VPS13D: variants seen among roughly 807,000 people sequenced by gnomAD.
VPS13D encodes the protein intermembrane lipid transfer protein VPS13D.
Under a neutral mutation model 461.9 loss-of-function variants are expected in VPS13D, and 187 were observed. The observed-to-expected ratio is 0.40, with a 90% CI of 0.36 to 0.46. VPS13D has a LOEUF of 0.46. Among genes scored for constraint, VPS13D ranks in the 20% least tolerant of loss-of-function variants. VPS13D has a pLI of 0.60. For missense variants in VPS13D, 4,711 were observed against 5,364.9 expected, an observed-to-expected ratio of 0.88 and a Z score of 3.81; for synonymous variants, 1,951 against 1,986.3, an observed-to-expected ratio of 0.98 and a Z score of 0.47.
At chr1:12,506,483 A>T (rs1190316324) in intron 68 of VPS13D, among the ~76,000 whole-genome samples, 1 of 152,066 alleles carries the variant, frequency 6.6e-6, no homozygotes, top group African/African-American at 2.4e-5. Context: ...AACCTGTTTA[A>T]TTCTGCTTTT....
intron 27 of VPS13D, among the ~76,000 whole-genome samples, chr1:12,309,659 G>C (rs1569868756): frequency 1.3e-5 from 2 of 151,656 alleles, no homozygotes; most frequent in Admixed American, 1.3e-4. Context: ...CTACCGGGAA[G>C]GCTGAGGCAG....
At chr1:12,246,729 A>G (rs982641628) in intron 5 of VPS13D, among the ~76,000 whole-genome samples, 1 of 152,200 alleles carries the variant, frequency 6.6e-6, no homozygotes, top group Admixed American at 6.5e-5. Flanking sequence ...CCAGGCAAGA[A>G]CTCAGTAGAG....
Position 12,385,265 on chromosome 1 carries a change from A to C in VPS13D, c.11376A>C (p.Thr3792=). 6.2e-7 allele frequency: 1 copy of C among 1,613,446 alleles called. No homozygotes were observed. The highest frequency in any genetic ancestry group is 1.1e-5 in the South Asian group (1 of 90,926). Residue 3792 remains threonine, a synonymous_variant, in exon 59 of 70, where the codon ACA becomes ACC. Transcript: ENST00000620676. ...PDGPTRALQI[T]DFCHRKSSRS... ...GGTGTTTTATTTGACTTCAGATAAC[A>C]GATTTCTGCCACCGGAAAAGCAGCC...
chr1:12,297,753 G>GAAA (rs1642315175), intron 24 of VPS13D, among the ~76,000 whole-genome samples: 1 of 152,142 alleles, frequency 6.6e-6, no homozygotes, highest in Non-Finnish European at 1.5e-5. Flanking sequence ...GAACAGAGTG[G>GAAA]AAAACAAGAA....
chr1:12,407,455 G>T (rs1434406744), intron 63 of VPS13D: 1 of 152,214 alleles, frequency 6.6e-6, no homozygotes, highest in Admixed American at 6.5e-5. Context: ...ACACAAGATT[G>T]CCTTCTCCAA....
In VPS13D at chr1:12,385,370, G is replaced by A. The variant is rs1471064793; in HGVS notation, c.11481G>A (p.Leu3827=). 10 of 1,609,098 alleles carry A rather than the reference G, an allele frequency of 6.2e-6. No homozygotes were observed. In the Admixed American group the frequency reaches 1.5e-4, roughly 24 times the overall value. ...KLKNPDTEQE[L]EVLVRLEGGI... is the part of the protein sequence containing the mutation. ...AGAATCCAGATACAGAGCAGGAATT[G>A]GAAGTAAGGTCTAAATATTGTGAAT... The change falls in exon 59 of 70, where the codon TTG becomes TTA. Residue 3827 remains leucine (L), a synonymous_variant. Coordinates refer to ENST00000620676, the MANE Select transcript of VPS13D (RefSeq NM_015378.4).
At chr1:12,304,949 T>C (rs1008573476) in intron 26 of VPS13D, among the ~76,000 whole-genome samples, 1 of 152,200 alleles carries the variant, frequency 6.6e-6, no homozygotes, top group African/African-American at 2.4e-5. Context: ...TAGCACGATA[T>C]AGTGTAATTA....
intron 63 of VPS13D, among the ~76,000 whole-genome samples, chr1:12,410,442 C>T (rs1023467472): frequency 1.3e-5 from 2 of 152,140 alleles, no homozygotes; most frequent in Non-Finnish European, 2.9e-5. Context: ...AACTGCCTAC[C>T]AGAAGCTAAA....
At chr1:12,399,300 G>A (rs1400053298) in intron 60 of VPS13D, among the ~76,000 whole-genome samples, 5 of 151,072 alleles carry the variant, frequency 3.3e-5, no homozygotes. Flanking sequence ...GGGTTCAAGT[G>A]ATTCTCCTGC....
At chr1:12,367,915 G>C (rs1246474556) in intron 52 of VPS13D, among the ~76,000 whole-genome samples, 2 of 151,998 alleles carry the variant, frequency 1.3e-5, no homozygotes, top group Admixed American at 6.6e-5. Flanking sequence ...CTGCAATGCA[G>C]ATTTTTAAAA....
chr1:12,349,933 T>C (rs558508637), intron 46 of VPS13D, among the ~76,000 whole-genome samples: 5 of 152,254 alleles, frequency 3.3e-5, no homozygotes, highest in Non-Finnish European at 7.3e-5. Context: ...TTTCAACTTA[T>C]TTAATGAGGA....
At position 12,345,473 on chromosome 1, in the gene VPS13D, A is replaced by T; in HGVS notation, c.8985A>T (p.Arg2995=). 1 of 1,613,714 alleles carries T rather than the reference A, an allele frequency of 6.2e-7. No homozygotes were observed. The highest frequency in any genetic ancestry group is 8.5e-7 in the Non-Finnish European group (1 of 1,179,696). The part of the protein sequence containing the change: ...VSVDKVGTFF[R]YAAPDKNSSS... The stretch of plus-strand genomic sequence containing the variant: ...TGGACAAAGTCGGGACCTTTTTTCG[A>T]TATGCAGCACCAGATAAAAATTCAT... The change falls in exon 43 of 70, where the codon CGA becomes CGT. Residue 2995 remains arginine, a synonymous_variant. Coordinates refer to ENST00000620676, the MANE Select transcript of VPS13D (RefSeq NM_015378.4).
intron 60 of VPS13D, among the ~76,000 whole-genome samples, chr1:12,391,775 C>T (rs758116854): frequency 5.3e-5 from 8 of 152,096 alleles, no homozygotes; most frequent in Admixed American, 1.3e-4. Context: ...AACAAAACAT[C>T]TTATTTTATT....
Position 12,290,993 on chromosome 1 carries a change from C to T in VPS13D, c.5726-5C>T, listed in dbSNP as rs760044378. 1.9e-6 allele frequency: 3 copies of T among 1,604,966 alleles called. No individual in the cohort carries two copies. In the South Asian group the frequency reaches 3.4e-5, roughly 18 times the overall value. ...AGTAATGTGTTCTAACTTTATCATCCCTAGAGGGAGACCTGGCCTTACAGG... is the reference window on the plus strand; with the variant it reads ...AGTAATGTGTTCTAACTTTATCATCTCTAGAGGGAGACCTGGCCTTACAGG... On this transcript the variant is annotated splice_polypyrimidine_tract_variant and splice_region_variant and intron_variant, in intron 22 of 69. Transcript: ENST00000620676.
intron 68 of VPS13D, among the ~76,000 whole-genome samples, chr1:12,504,064 G>A (rs1240389525): frequency 6.6e-6 from 1 of 152,136 alleles, no homozygotes; most frequent in Non-Finnish European, 1.5e-5. Context: ...AGAGTGACAA[G>A]TTTGATATGA....
At chr1:12,288,837 G>A (rs1053004260) in intron 22 of VPS13D, among the ~76,000 whole-genome samples, 3 of 151,990 alleles carry the variant, frequency 2.0e-5, no homozygotes, top group African/African-American at 7.2e-5. Context: ...TAGCAAAGCT[G>A]GCATTCTTTA....
chr1:12,384,187 G>T (rs1187095538), intron 58 of VPS13D, among the ~76,000 whole-genome samples: 2 of 152,188 alleles, frequency 1.3e-5, no homozygotes, highest in Non-Finnish European at 2.9e-5. Context: ...GGAAGAAGTG[G>T]CAGGGGTGGA....
rs767341774 is a variant in VPS13D at position 12,288,217 on chromosome 1, TC to T, written c.5635-4del. ...ATTGGCCTTGCTTTATCTTGTCTGT[TC>T]CTAGGTTCATTCACTTTCTCTAGTG... is the stretch of plus-strand genomic sequence containing the variant. On this transcript the variant is annotated splice_region_variant and splice_polypyrimidine_tract_variant and intron_variant, in intron 21 of 69. Transcript: ENST00000620676. 9.9e-6 allele frequency: 16 copies of T among 1,612,078 alleles called. No homozygotes were observed. Among genetic ancestry groups the T allele is most frequent in the Non-Finnish European group, 1.3e-5 (15 of 1,178,418 alleles).
Position 12,415,258 on chromosome 1 carries a change from A to G in VPS13D, c.12165+37A>G, listed in dbSNP as rs759418018. On this transcript the variant is annotated intron_variant, in intron 64 of 69. Coordinates refer to ENST00000620676, the MANE Select transcript of VPS13D (RefSeq NM_015378.4). ...AGAAGTAATCATTGGCTGGAGCATA[A>G]GCAGAATGTTTGTTTTAGTTGTTTG... 7.4e-6 allele frequency: 12 copies of G among 1,613,202 alleles called. No individual in the cohort carries two copies. The South Asian group carries it at 1.1e-4, about 15-fold the overall frequency.
Sources: allele counts gnomAD v4.1 joint callset (sites outside exome capture counted in the v4.1 genomes callset), GRCh38; gene constraint gnomAD v4.1.1; transcripts MANE v1.5; gene names NCBI Gene and HGNC (gene_info 2026-07-23, HGNC 2026-07-21).